Variants in MACROD2 observed in about 807,000 individuals in gnomAD.
MACROD2 encodes ADP-ribose glycohydrolase MACROD2.
A neutral mutation model predicts 70.4 loss-of-function variants in MACROD2; 36 were observed. The observed-to-expected ratio is 0.51, with a 90% CI of 0.39 to 0.68. The LOEUF is 0.68. MACROD2 is among the 30% of genes least tolerant of loss of function. The probability of loss-of-function intolerance (pLI) is 0.00; values close to 1 mark genes in which losing one functional copy is unlikely to be tolerated. For missense variants in MACROD2, 496 were observed against 538.4 expected (o/e 0.92, Z 0.78); for synonymous variants, 172 against 178.8 (o/e 0.96, Z 0.30).
chr20:14,623,477 A>G (rs141370696), intron 4 of MACROD2, among the ~76,000 whole-genome samples: 21 of 152,296 alleles, frequency 1.4e-4, no homozygotes, highest in Non-Finnish European at 2.6e-4. Context: ...CATATTGCTA[A>G]AATGATTCTT....
At chr20:16,031,152 T>C (rs2067146207) in intron 15 of MACROD2, among the ~76,000 whole-genome samples, 1 of 151,454 alleles carries the variant, frequency 6.6e-6, no homozygotes, top group Non-Finnish European at 1.5e-5. Flanking sequence ...GTTTAGAATA[T>C]ACAAAAATCA....
intron 4 of MACROD2, among the ~76,000 whole-genome samples, chr20:14,587,704 A>G (rs1379650811): frequency 1.3e-5 from 2 of 148,648 alleles, no homozygotes; most frequent in Non-Finnish European, 3.0e-5. Flanking sequence ...GAATTTCATT[A>G]GTAAATTTTA....
intron 5 of MACROD2, among the ~76,000 whole-genome samples, chr20:14,772,475 A>C (rs754616940): frequency 2.0e-5 from 3 of 152,056 alleles, no homozygotes; most frequent in African/African-American, 4.8e-5. Context: ...TGTGGATGGC[A>C]GCAGGCAAAG....
intron 7 of MACROD2, among the ~76,000 whole-genome samples, chr20:15,491,701 G>T (rs909910911): frequency 6.6e-6 from 1 of 152,208 alleles, no homozygotes; most frequent in Non-Finnish European, 1.5e-5. Flanking sequence ...TTTTGGGGGT[G>T]CCTTGTTCCC....
intron 7 of MACROD2, among the ~76,000 whole-genome samples, chr20:15,485,455 T>C (rs1441440531): frequency 1.3e-5 from 2 of 152,148 alleles, no homozygotes; most frequent in East Asian, 3.9e-4. Flanking sequence ...CTCCAGGCTA[T>C]CTTGTATCTG....
chr20:14,898,877 C>A (rs1224651420), intron 5 of MACROD2, among the ~76,000 whole-genome samples: 1 of 152,150 alleles, frequency 6.6e-6, no homozygotes, highest in African/African-American at 2.4e-5. Context: ...GAAGTAGTAT[C>A]ATTGTTGGAC....
At position 14,873,394 on chromosome 20, in the gene MACROD2, G is replaced by A. The variant is rs190994325; in HGVS notation, c.418+188435G>A. 3.8e-3 allele frequency among the ~76,000 whole-genome samples: 579 copies of A among 152,068 alleles called. 1 individual carries two copies. Among genetic ancestry groups the A allele is most frequent in the African/African-American group, 0.013 (545 of 41,494 alleles). ...ACTAGGTTTACATGTGTTTTAAGTC[G>A]ACTTTTGCTAGATGTAGCTTGATCT... On this transcript the variant is annotated intron_variant, in intron 5 of 17. Transcript: ENST00000684519.
At chr20:15,928,737 A>T (rs967954892) in intron 10 of MACROD2, among the ~76,000 whole-genome samples, 1 of 152,252 alleles carries the variant, frequency 6.6e-6, no homozygotes, top group Admixed American at 6.5e-5. Flanking sequence ...ATTAGCTAAT[A>T]TTCTGTTGCT....
intron 7 of MACROD2, among the ~76,000 whole-genome samples, chr20:15,444,708 A>G (rs566596506): frequency 2.0e-5 from 3 of 152,196 alleles, no homozygotes; most frequent in African/African-American, 7.2e-5. Context: ...TGAGTCTCTT[A>G]TTAGCTGTGT....
chr20:15,732,988 A>G (rs2050967077), intron 8 of MACROD2, among the ~76,000 whole-genome samples: 2 of 152,122 alleles, frequency 1.3e-5, no homozygotes, highest in Non-Finnish European at 2.9e-5. Flanking sequence ...ATAAATTAAC[A>G]ATTTCTTAAT....
At chr20:14,380,338 A>C (rs998653531) in intron 3 of MACROD2, among the ~76,000 whole-genome samples, 2 of 152,090 alleles carry the variant, frequency 1.3e-5, no homozygotes, top group African/African-American at 4.8e-5. Flanking sequence ...TATGATTTGT[A>C]AACATTTTTC....
At chr20:15,239,715 T>G (rs1467646281) in intron 6 of MACROD2, among the ~76,000 whole-genome samples, 1 of 151,944 alleles carries the variant, frequency 6.6e-6, no homozygotes, top group Middle Eastern at 3.2e-3. Flanking sequence ...TAGACCAAAT[T>G]AAGAGGCATG....
rs537644328 is a variant in MACROD2, at chr20:15,734,844, T to C, written c.646-127901T>C. ...CAATTCTGCTAATTTTTCATAATGC[T>C]TTCCATTATGATAGCAAAATAACTC... On this transcript the variant is annotated intron_variant, in intron 8 of 17. Transcript: ENST00000684519. Among the ~76,000 whole-genome samples the C allele has an allele frequency of 3.3e-5, 5 of 152,368 alleles. No homozygotes were observed. In the South Asian group the frequency reaches 1.0e-3, roughly 32 times the overall value.
intron 4 of MACROD2, among the ~76,000 whole-genome samples, chr20:14,619,454 G>GGGAAA (rs1568702465): frequency 3.6e-5 from 2 of 55,950 alleles, no homozygotes; most frequent in Non-Finnish European, 3.6e-5. Flanking sequence ...AGGAAGGGAA[G>GGGAAA]GGAGGGGAGG....
intron 4 of MACROD2, among the ~76,000 whole-genome samples, chr20:14,574,237 A>G (rs1312622173): frequency 4.6e-5 from 7 of 151,834 alleles, no homozygotes; most frequent in Non-Finnish European, 1.0e-4. Flanking sequence ...TTGGGCTCAG[A>G]CCTCTGCTAC....
chr20:15,210,990 A>T (rs2076758807), intron 5 of MACROD2, among the ~76,000 whole-genome samples: 1 of 152,212 alleles, frequency 6.6e-6, no homozygotes, highest in African/African-American at 2.4e-5. Flanking sequence ...CGTACAATTC[A>T]GTGGTGTTGG....
intron 5 of MACROD2, among the ~76,000 whole-genome samples, chr20:15,145,221 A>C (rs2076221756): frequency 6.6e-6 from 1 of 152,120 alleles, no homozygotes; most frequent in Non-Finnish European, 1.5e-5. Flanking sequence ...ATGCTTCCTC[A>C]TACTGATTTG....
intron 3 of MACROD2, among the ~76,000 whole-genome samples, chr20:14,442,963 T>C (rs1271732674): frequency 6.6e-6 from 1 of 151,654 alleles, no homozygotes; most frequent in East Asian, 2.0e-4. Flanking sequence ...CCTGTAGTCC[T>C]AGCTACTCGG....
chr20:14,036,434 A>G (rs763606357), intron 2 of MACROD2, among the ~76,000 whole-genome samples: 9 of 152,192 alleles, frequency 5.9e-5, no homozygotes, highest in Non-Finnish European at 1.3e-4. Context: ...ACTGTTAACA[A>G]GCACCTCAGG....
Sources: gnomAD v4.1 joint callset for allele counts (sites outside exome capture counted in the v4.1 genomes callset) on GRCh38, gnomAD v4.1.1 for gene constraint, MANE v1.5 for transcripts, NCBI Gene and HGNC (gene_info 2026-07-23, HGNC 2026-07-21) for gene names.